SLCO2B1: variants seen among roughly 807,000 people sequenced by gnomAD.
SLCO2B1 encodes the protein OATP-RP2.
In SLCO2B1, 41 loss-of-function variants were observed where a neutral mutation model predicts 67.3. The ratio of observed to expected loss-of-function variants is 0.61; its 90% CI spans 0.47 to 0.79. The LOEUF (loss-of-function observed/expected upper bound fraction) is 0.79, where lower values mean the gene tolerates loss of function less well. Among genes scored for constraint, SLCO2B1 ranks in the 30% least tolerant of loss-of-function variants. The pLI is 0.00. For missense variants in SLCO2B1, 837 were observed against 920.1 expected (o/e 0.91, Z 1.17); for synonymous variants, 379 against 381.4 (o/e 0.99, Z 0.07).
intron 7 of SLCO2B1, among the ~76,000 whole-genome samples, chr11:75,182,647 C>T (rs1387666749): frequency 1.3e-5 from 2 of 151,806 alleles, no homozygotes; most frequent in African/African-American, 4.8e-5. Flanking sequence ...GAGGCTGAGA[C>T]AGGAGAATTG....
At chr11:75,179,600 C>A (rs1271490915) in intron 7 of SLCO2B1, among the ~76,000 whole-genome samples, 1 of 152,062 alleles carries the variant, frequency 6.6e-6, no homozygotes, top group Non-Finnish European at 1.5e-5. Context: ...GTATCCAACA[C>A]CTCAAGAAAC....
intron 1 of SLCO2B1, among the ~76,000 whole-genome samples, chr11:75,161,206 T>A (rs1949815942): frequency 6.6e-6 from 1 of 152,236 alleles, no homozygotes; most frequent in South Asian, 2.1e-4. Flanking sequence ...CCACATATTG[T>A]GTGATTTCAT....
At chr11:75,167,368 C>G (rs1189194610) in intron 4 of SLCO2B1, among the ~76,000 whole-genome samples, 4 of 152,176 alleles carry the variant, frequency 2.6e-5, no homozygotes, top group Non-Finnish European at 5.9e-5. Flanking sequence ...TTTTTCTGTG[C>G]AAGGTCATGC....
At chr11:75,201,760 T>G (rs1168558738) in intron 11 of SLCO2B1, 1 of 152,262 alleles carries the variant, frequency 6.6e-6, no homozygotes. Context: ...GGAGGAGCTT[T>G]CATGCCCTCC....
intron 8 of SLCO2B1, among the ~76,000 whole-genome samples, chr11:75,189,772 C>A (rs561222407): frequency 2.6e-5 from 4 of 151,896 alleles, no homozygotes; most frequent in Non-Finnish European, 4.4e-5. Flanking sequence ...CATAAGGAGA[C>A]CCTGCCTCTA....
At chr11:75,199,915 T>C in intron 10 of SLCO2B1, 1 of 372,020 alleles carries the variant, frequency 2.7e-6, no homozygotes, top group South Asian at 4.5e-5. Flanking sequence ...TTCTTACAGT[T>C]GGTGTGTAGA....
chr11:75,181,852 C>A (rs1394206029), intron 7 of SLCO2B1, among the ~76,000 whole-genome samples: 1 of 152,208 alleles, frequency 6.6e-6, no homozygotes. Context: ...AGCAGAGGCA[C>A]GTTTCCTGTT....
chr11:75,178,129 C>A (rs902065602), intron 7 of SLCO2B1, among the ~76,000 whole-genome samples: 1 of 150,670 alleles, frequency 6.6e-6, no homozygotes, highest in Non-Finnish European at 1.5e-5. Context: ...AAACTCCAAA[C>A]GCAAGTTCTG....
intron 10 of SLCO2B1, among the ~76,000 whole-genome samples, chr11:75,197,969 G>A (rs1377080971): frequency 1.3e-5 from 2 of 152,308 alleles, no homozygotes; most frequent in African/African-American, 4.8e-5. Context: ...GGGGATTTGT[G>A]GGGGCAGCAG....
In SLCO2B1 at chr11:75,167,721, G is replaced by A. The variant is rs574728762; in HGVS notation, c.449-1452G>A. On this transcript the variant is annotated intron_variant, in intron 4 of 13. Transcript: ENST00000289575. ...ACCACCCACCACTCTTAATGTTCAC[G>A]ACTCCAGGAGGCAGGGATTATCATT... Among the ~76,000 whole-genome samples the A allele has an allele frequency of 1.6e-4, 24 of 152,150 alleles. No individual in the cohort carries two copies. The South Asian group carries it at 2.5e-3, about 16-fold the overall frequency.
chr11:75,176,731 G>A (rs1204728864), intron 7 of SLCO2B1, among the ~76,000 whole-genome samples: 2 of 152,208 alleles, frequency 1.3e-5, no homozygotes, highest in Non-Finnish European at 1.5e-5. Flanking sequence ...GGGCTGGTCT[G>A]TAGGGATTTG....
chr11:75,181,473 A>C (rs1950091356), intron 7 of SLCO2B1, among the ~76,000 whole-genome samples: 1 of 151,748 alleles, frequency 6.6e-6, no homozygotes, highest in African/African-American at 2.4e-5. Context: ...GGGTGGGAGG[A>C]AGTTAAGCAG....
rs147147496 is a variant in SLCO2B1, at chr11:75,169,222, G to A, written c.498G>A (p.Ser166=). Residue 166 remains serine (S), a synonymous_variant, in exon 5 of 14, where the codon TCG becomes TCA. Transcript: ENST00000289575. ...FKASLCLPTT[S]APASAPSNGN... ...CTTCCCTGTGCCTGCCCACAACCTC[G>A]GCCCCAGCCTCGGCCCCCTCCAATG... The A allele has an allele frequency of 4.5e-4, 723 of 1,614,048 alleles. 1 individual carries two copies. Among genetic ancestry groups the A allele is most frequent in the Admixed American group, 1.0e-3 (62 of 60,010 alleles).
At position 75,162,757 on chromosome 11, in the gene SLCO2B1, T is replaced by C; in HGVS notation, c.119T>C (p.Val40Ala). 6.2e-7 allele frequency: 1 copy of C among 1,613,946 alleles called. No homozygotes were observed. Among genetic ancestry groups the C allele is most frequent in the Non-Finnish European group, 8.5e-7 (1 of 1,179,926 alleles). ...AAAGCCAGCCCAGACCCTCAGGACG[T>C]GCGGCCAAGTGTGTTCCATAACATC... Reference protein sequence around the residue: ...GGKASPDPQDVRPSVFHNIKL... With the variant: ...GGKASPDPQDARPSVFHNIKL... The change falls in exon 2 of 14, where the codon GTG (valine) becomes GCG (alanine). Residue 40 changes from valine to alanine, a missense_variant. Transcript: ENST00000289575.
Position 75,205,056 on chromosome 11 carries a change from C to A in SLCO2B1, c.*476C>A, listed in dbSNP as rs368465280. 6.5e-6 allele frequency: 1 copy of A among 152,874 alleles called. No homozygotes were observed. Among genetic ancestry groups the A allele is most frequent in the Admixed American group, 6.5e-5 (1 of 15,312 alleles). The allele number at this position is 152,874 out of a possible 1,614,324, so 9.5% of individuals were successfully genotyped here. On this transcript the variant is annotated 3_prime_UTR_variant, in exon 14 of 14. Transcript: ENST00000289575. The stretch of plus-strand genomic sequence containing the variant: ...GCTCGTTCAGCTATGACCATCTGTG[C>A]GGTCAGGGTACACTCAGCTCTCCTC...
chr11:75,205,843 C>G lies in SLCO2B1; in HGVS notation c.*1263C>G, dbSNP rs1345137628. 6.6e-6 allele frequency: 1 copy of G among 152,170 alleles called. No individual in the cohort carries two copies. The highest frequency in any genetic ancestry group is 2.4e-5 in the African/African-American group (1 of 41,430). 9.4% of individuals were successfully genotyped at this position (152,170 alleles called of 1,614,324 possible). On this transcript the variant is annotated 3_prime_UTR_variant, in exon 14 of 14. Coordinates refer to ENST00000289575, the MANE Select transcript of SLCO2B1 (RefSeq NM_007256.5). ...GTTTGCTAATCTGCTCCCAGCCCAA[C>G]CTATTACCACCCCACCTCGCTGGGA...
At chr11:75,181,506 T>C (rs1950091638) in intron 7 of SLCO2B1, among the ~76,000 whole-genome samples, 1 of 152,160 alleles carries the variant, frequency 6.6e-6, no homozygotes, top group Non-Finnish European at 1.5e-5. Context: ...TGTGGCTGCT[T>C]CCCTTCGTGA....
In SLCO2B1 at chr11:75,151,241, C is replaced by G; in HGVS notation, c.-141C>G. On this transcript the variant is annotated 5_prime_UTR_variant, in exon 1 of 14. Transcript: ENST00000289575. ...AGAAGAACTGACCCCGTGTCTGGAGCTCCCACCGTTATTGCATCCCTGCTG... is the reference window on the plus strand; with the variant it reads ...AGAAGAACTGACCCCGTGTCTGGAGGTCCCACCGTTATTGCATCCCTGCTG... 9 of 687,490 alleles carry G rather than the reference C, an allele frequency of 1.3e-5. No homozygotes were observed. The highest frequency in any genetic ancestry group is 1.8e-5 in the Non-Finnish European group (7 of 393,166). The allele number at this position is 687,490 out of a possible 1,614,324, so 42.6% of individuals were successfully genotyped here.
chr11:75,187,375 G>A (rs1194017255), intron 7 of SLCO2B1, among the ~76,000 whole-genome samples: 1 of 152,212 alleles, frequency 6.6e-6, no homozygotes, highest in Non-Finnish European at 1.5e-5. Context: ...GGGTGTCCAT[G>A]GGAATCTTCA....
Sources: allele counts gnomAD v4.1 joint callset (sites outside exome capture counted in the v4.1 genomes callset), GRCh38; gene constraint gnomAD v4.1.1; transcripts MANE v1.5; gene names NCBI Gene and HGNC (gene_info 2026-07-23, HGNC 2026-07-21).